The following ZNF277 variants were observed in gnomAD, a reference collection of about 807,000 sequenced individuals.
ZNF277 encodes the protein nuclear receptor-interacting factor 4.
In ZNF277, 55 loss-of-function variants were observed where a neutral mutation model predicts 60.7. That is an observed-to-expected ratio of 0.91 (90% CI 0.73 to 1.13). The LOEUF is 1.13. Among genes scored for constraint, ZNF277 ranks in the 50% most tolerant of loss-of-function variants. The pLI, the probability that ZNF277 is intolerant of heterozygous loss-of-function variation, is 0.00. For synonymous variants in ZNF277, 178 were observed against 179.3 expected, an observed-to-expected ratio of 0.99 and a Z score of 0.06; for missense variants, 510 against 523.0, an observed-to-expected ratio of 0.98 and a Z score of 0.24.
At chr7:112,301,178 C>A (rs1217068019) in intron 4 of ZNF277, among the ~76,000 whole-genome samples, 2 of 151,704 alleles carry the variant, frequency 1.3e-5, no homozygotes, top group Admixed American at 1.3e-4. Flanking sequence ...GTCAAGTGAT[C>A]CTTTCGTAGC....
chr7:112,229,333 G>A (rs899814448), intron 1 of ZNF277, among the ~76,000 whole-genome samples: 2 of 152,182 alleles, frequency 1.3e-5, no homozygotes, highest in Admixed American at 6.5e-5. Flanking sequence ...GTCTAGAGTA[G>A]CAGCTTGCAT....
chr7:112,234,083 A>G (rs1400988113), intron 1 of ZNF277, among the ~76,000 whole-genome samples: 3 of 151,932 alleles, frequency 2.0e-5, no homozygotes, highest in African/African-American at 7.3e-5. Flanking sequence ...TTTCTACTTT[A>G]CCATGCTTTA....
At chr7:112,298,677 G>C (rs142747852) in intron 4 of ZNF277, among the ~76,000 whole-genome samples, 5 of 152,298 alleles carry the variant, frequency 3.3e-5, no homozygotes, top group African/African-American at 1.2e-4. Flanking sequence ...TTGGGGATTG[G>C]AAGTAAGCTA....
chr7:112,265,647 A>T (rs370383831), intron 1 of ZNF277, among the ~76,000 whole-genome samples: 37 of 152,192 alleles, frequency 2.4e-4, no homozygotes, highest in African/African-American at 8.2e-4. Flanking sequence ...TGTAAAAAGC[A>T]CAATAAAGTG....
At chr7:112,261,405 T>C (rs147978770) in intron 1 of ZNF277, among the ~76,000 whole-genome samples, 29 of 152,350 alleles carry the variant, frequency 1.9e-4, no homozygotes, top group African/African-American at 6.5e-4. Context: ...ATGGATGGCA[T>C]TTCATATGCC....
chr7:112,327,483 T>G (rs1274051558), intron 5 of ZNF277, among the ~76,000 whole-genome samples: 1 of 152,050 alleles, frequency 6.6e-6, no homozygotes, highest in East Asian at 1.9e-4. Flanking sequence ...TTCTATAGAG[T>G]GTAGCCAAGC....
chr7:112,207,618 CTT>C (rs1340940723), intron 1 of ZNF277, among the ~76,000 whole-genome samples: 1 of 152,092 alleles, frequency 6.6e-6, no homozygotes, highest in East Asian at 1.9e-4. Context: ...GTTTAGGACT[CTT>C]TTACCTTTAG....
At chr7:112,268,723 G>C (rs1791601505) in intron 1 of ZNF277, among the ~76,000 whole-genome samples, 1 of 152,022 alleles carries the variant, frequency 6.6e-6, no homozygotes, top group African/African-American at 2.4e-5. Flanking sequence ...CAAAACCATG[G>C]TGTATTTTAA....
chr7:112,245,994 G>A (rs996263320), intron 1 of ZNF277, among the ~76,000 whole-genome samples: 1 of 152,098 alleles, frequency 6.6e-6, no homozygotes, highest in Non-Finnish European at 1.5e-5. Flanking sequence ...ACGTAAGGAA[G>A]GGAAAGTCTT....
chr7:112,276,391 C>T (rs1363453499), intron 1 of ZNF277, among the ~76,000 whole-genome samples: 1 of 152,116 alleles, frequency 6.6e-6, no homozygotes, highest in Non-Finnish European at 1.5e-5. Context: ...ATGGGCTTCC[C>T]TAGAAACTGT....
intron 1 of ZNF277, among the ~76,000 whole-genome samples, chr7:112,277,143 G>A (rs1341361618): frequency 1.4e-5 from 2 of 143,556 alleles, no homozygotes; most frequent in African/African-American, 5.4e-5. Context: ...GAGTGCAGTG[G>A]CACGATCTCG....
chr7:112,333,221 G>A (rs904424384), intron 7 of ZNF277, among the ~76,000 whole-genome samples: 1 of 151,696 alleles, frequency 6.6e-6, no homozygotes, highest in Non-Finnish European at 1.5e-5. Flanking sequence ...GTGCATGAGT[G>A]TGGGCAAAAG....
chr7:112,326,238 G>A (rs1232003516), intron 5 of ZNF277, among the ~76,000 whole-genome samples: 1 of 151,840 alleles, frequency 6.6e-6, no homozygotes, highest in Non-Finnish European at 1.5e-5. Context: ...CATCCTGGAA[G>A]TTCTAGGCAG....
intron 2 of ZNF277, chr7:112,289,046 A>G (rs377535073): frequency 6.4e-4 from 98 of 151,968 alleles, no homozygotes; most frequent in African/African-American, 2.2e-3. Context: ...GATAAAATGC[A>G]AAATTTTATT....
rs551533526 is a variant in ZNF277 at position 112,329,743 on chromosome 7, A to AATTAATTGTC, written c.669-340_669-339insTTAATTGTCA. ...TACATACAATGGGTGCAGTCAGTGC[A>AATTAATTGTC]AGTCATTATAATTAATTGAAGAACA... On this transcript the variant is annotated intron_variant, in intron 6 of 11. Coordinates refer to ENST00000361822, the MANE Select transcript of ZNF277 (RefSeq NM_021994.3). Among the ~76,000 whole-genome samples, 154 of 152,330 alleles carry AATTAATTGTC rather than the reference A, an allele frequency of 1.0e-3. 2 individuals are homozygous for AATTAATTGTC. Among genetic ancestry groups the AATTAATTGTC allele is most frequent in the African/African-American group, 3.5e-3 (145 of 41,578 alleles).
intron 1 of ZNF277, among the ~76,000 whole-genome samples, chr7:112,211,599 T>C (rs901420087): frequency 3.3e-5 from 5 of 152,262 alleles, no homozygotes; most frequent in Non-Finnish European, 7.3e-5. Flanking sequence ...CTCTTGACTT[T>C]ACCTCCTTTA....
At chr7:112,332,983 A>G (rs1793256498) in intron 7 of ZNF277, among the ~76,000 whole-genome samples, 3 of 152,174 alleles carry the variant, frequency 2.0e-5, no homozygotes, top group Admixed American at 2.0e-4. Flanking sequence ...CCCAAATACT[A>G]ACAGAGTATA....
Position 112,232,492 on chromosome 7 carries a change from G to A in ZNF277, c.91+25685G>A, listed in dbSNP as rs1822366025. Among the ~76,000 whole-genome samples the A allele has an allele frequency of 2.0e-5, 3 of 152,208 alleles. No homozygotes were observed. The South Asian group carries it at 6.2e-4, about 32-fold the overall frequency. On this transcript the variant is annotated intron_variant, in intron 1 of 11. Transcript: ENST00000361822. ...TAAGAATTGAGGCCACTTCTCTGAG[G>A]TTACTAGAAGTGCAAGCATATGTCT...
chr7:112,247,565 CAG>C (rs1181659163), intron 1 of ZNF277, among the ~76,000 whole-genome samples: 1 of 152,104 alleles, frequency 6.6e-6, no homozygotes, highest in Non-Finnish European at 1.5e-5. Context: ...AAATAGAAGA[CAG>C]ACAAATCTAA....
Sources: gnomAD v4.1 joint callset for allele counts (sites outside exome capture counted in the v4.1 genomes callset) on GRCh38, gnomAD v4.1.1 for gene constraint, MANE v1.5 for transcripts, NCBI Gene and HGNC (gene_info 2026-07-23, HGNC 2026-07-21) for gene names.